SGCD: variants seen among roughly 807,000 people sequenced by gnomAD.
SGCD encodes sarcoglycan delta.
A neutral mutation model predicts 36.6 loss-of-function variants in SGCD; 18 were observed. That is an observed-to-expected ratio of 0.49 (90% CI 0.34 to 0.73). The LOEUF (loss-of-function observed/expected upper bound fraction) is 0.73. SGCD is among the 30% of genes least tolerant of loss of function. The pLI is 0.01. For missense variants in SGCD, 387 were observed against 346.7 expected, an observed-to-expected ratio of 1.12 and a Z score of -0.92; for synonymous variants, 133 against 130.6, an observed-to-expected ratio of 1.02 and a Z score of -0.12.
chr5:155,759,051 A>C, the SGCD span, among the ~76,000 whole-genome samples: 1 of 151,720 alleles, frequency 6.6e-6, no homozygotes, highest in African/African-American at 2.4e-5. Context: ...TATATTGCCC[A>C]GGCTGGTCTC....
intron 4 of SGCD, among the ~76,000 whole-genome samples, chr5:156,576,634 G>A (rs937847155): frequency 2.6e-5 from 4 of 152,116 alleles, no homozygotes; most frequent in South Asian, 2.1e-4. Context: ...GTGTGAGATG[G>A]TATCTCATTG....
chr5:156,740,152 C>T (rs974766451), intron 7 of SGCD, among the ~76,000 whole-genome samples: 6 of 152,282 alleles, frequency 3.9e-5, no homozygotes, highest in Admixed American at 6.5e-5. Context: ...TGGAGTTGAA[C>T]ATGATGGTAG....
chr5:156,366,498 T>C (rs1770113321), intron 3 of SGCD, among the ~76,000 whole-genome samples: 1 of 152,082 alleles, frequency 6.6e-6, no homozygotes, highest in East Asian at 1.9e-4. Flanking sequence ...AGCAAATACT[T>C]TGTACTGAGA....
intron 3 of SGCD, among the ~76,000 whole-genome samples, chr5:156,438,075 G>T (rs1753320758): frequency 6.6e-6 from 1 of 152,230 alleles, no homozygotes; most frequent in East Asian, 1.9e-4. Flanking sequence ...ACACTCAATT[G>T]GAAATTTAAG....
chr5:156,253,187 G>A (rs984009695), intron 3 of SGCD, among the ~76,000 whole-genome samples: 1 of 152,160 alleles, frequency 6.6e-6, no homozygotes, highest in African/African-American at 2.4e-5. Context: ...GAACAGGAAA[G>A]GAACAAAGCC....
chr5:156,567,929 C>T (rs2113275594), intron 4 of SGCD, among the ~76,000 whole-genome samples: 1 of 152,164 alleles, frequency 6.6e-6, no homozygotes, highest in Admixed American at 6.5e-5. Flanking sequence ...AGTGTGCTTT[C>T]TGCTAGGCAC....
chr5:156,481,943 G>C (rs767655699), intron 3 of SGCD, among the ~76,000 whole-genome samples: 10 of 152,164 alleles, frequency 6.6e-5, no homozygotes, highest in Non-Finnish European at 1.2e-4. Context: ...GCCACGTTCA[G>C]GGACAACTGT....
At chr5:156,404,712 T>G (rs763998975) in intron 3 of SGCD, among the ~76,000 whole-genome samples, 2 of 152,204 alleles carry the variant, frequency 1.3e-5, no homozygotes, top group African/African-American at 2.4e-5. Context: ...AAAAATGGGT[T>G]TGCTGTAACA....
At chr5:156,030,188 T>G (rs1759314686) in intron 1 of SGCD, among the ~76,000 whole-genome samples, 1 of 152,232 alleles carries the variant, frequency 6.6e-6, no homozygotes, top group African/African-American at 2.4e-5. Context: ...ATGTAATATA[T>G]GCAAATTACC....
At chr5:156,208,972 C>A (rs137978715) in intron 3 of SGCD, among the ~76,000 whole-genome samples, 1 of 152,160 alleles carries the variant, frequency 6.6e-6, no homozygotes, top group Admixed American at 6.5e-5. Context: ...CATCACTCTT[C>A]TTCCAAAATC....
intron 4 of SGCD, among the ~76,000 whole-genome samples, chr5:156,570,800 A>T (rs527446420): frequency 6.6e-6 from 1 of 151,396 alleles, no homozygotes. Flanking sequence ...CCTTCCTCCC[A>T]CCCTCCACCC....
chr5:156,431,639 C>A (rs1753014711), intron 3 of SGCD, among the ~76,000 whole-genome samples: 2 of 152,170 alleles, frequency 1.3e-5, no homozygotes, highest in African/African-American at 4.8e-5. Flanking sequence ...CGGGGTAATC[C>A]CTTGATGTGG....
intron 2 of SGCD, among the ~76,000 whole-genome samples, chr5:156,344,143 C>G (rs1768817410): frequency 3.3e-5 from 5 of 152,134 alleles, no homozygotes; most frequent in Admixed American, 3.3e-4. Flanking sequence ...CTAAATTTTT[C>G]CTTCGGTTTG....
At chr5:156,286,824 A>G (rs1037834464) in intron 3 of SGCD, among the ~76,000 whole-genome samples, 8 of 137,150 alleles carry the variant, frequency 5.8e-5, no homozygotes, top group Non-Finnish European at 1.3e-4. Flanking sequence ...AAAGTATAAT[A>G]AAAAAAAAAA....
intron 7 of SGCD, among the ~76,000 whole-genome samples, chr5:156,723,823 G>A (rs1755631230): frequency 6.6e-6 from 1 of 150,968 alleles, no homozygotes; most frequent in South Asian, 2.1e-4. Context: ...GATGAGCAGT[G>A]AGAGTCCACT....
chr5:156,564,778 A>G (rs1168174393), intron 4 of SGCD, among the ~76,000 whole-genome samples: 1 of 152,122 alleles, frequency 6.6e-6, no homozygotes, highest in African/African-American at 2.4e-5. Context: ...TATTTCAGTT[A>G]ACATAATGTC....
At chr5:156,333,339 C>T (rs191525790) in intron 2 of SGCD, among the ~76,000 whole-genome samples, 1 of 152,112 alleles carries the variant, frequency 6.6e-6, no homozygotes, top group African/African-American at 2.4e-5. Context: ...GGACAAAATG[C>T]CTATACTTAG....
intron 1 of SGCD, among the ~76,000 whole-genome samples, chr5:156,075,163 C>T (rs927232857): frequency 6.6e-6 from 1 of 151,844 alleles, no homozygotes; most frequent in Non-Finnish European, 1.5e-5. Flanking sequence ...TCAACGTTAG[C>T]CTAGTGCACT....
chr5:155,886,786 A>G (rs1235249286), intron 1 of SGCD, among the ~76,000 whole-genome samples: 3 of 152,226 alleles, frequency 2.0e-5, no homozygotes, highest in South Asian at 2.1e-4. Context: ...TGCAGCTTTC[A>G]GTGAGTGCTC....
Sources: allele counts gnomAD v4.1 joint callset (sites outside exome capture counted in the v4.1 genomes callset), GRCh38; gene constraint gnomAD v4.1.1; transcripts MANE v1.5; gene names NCBI Gene and HGNC (gene_info 2026-07-23, HGNC 2026-07-21).